The following PTPRD variants were observed in gnomAD, a reference collection of about 807,000 sequenced individuals.
PTPRD encodes protein tyrosine phosphatase receptor type D.
In PTPRD, 34 loss-of-function variants were observed where a neutral mutation model predicts 214.5. The ratio of observed to expected loss-of-function variants is 0.16; its 90% CI spans 0.12 to 0.21. PTPRD has a LOEUF of 0.21. PTPRD is among the 10% of genes least tolerant of loss of function. The pLI is 1.00. For synonymous variants in PTPRD, 1,128 were observed against 845.7 expected, an observed-to-expected ratio of 1.33 and a Z score of -5.79; for missense variants, 2,545 against 2,398.7, an observed-to-expected ratio of 1.06 and a Z score of -1.27.
intron 9 of PTPRD, among the ~76,000 whole-genome samples, chr9:9,205,435 G>A (rs2099944243): frequency 6.6e-6 from 1 of 152,076 alleles, no homozygotes; most frequent in Admixed American, 6.5e-5. Flanking sequence ...GTAATGCGTT[G>A]CTTAGGTTTC....
chr9:9,437,685 A>G (rs967393920), intron 8 of PTPRD, among the ~76,000 whole-genome samples: 14 of 152,106 alleles, frequency 9.2e-5, no homozygotes, highest in South Asian at 2.1e-4. Flanking sequence ...AGATTGTGGC[A>G]TCTCTTATAA....
intron 2 of PTPRD, among the ~76,000 whole-genome samples, chr9:10,423,363 G>T (rs1299090351): frequency 1.3e-5 from 2 of 151,904 alleles, no homozygotes; most frequent in Admixed American, 6.6e-5. Flanking sequence ...TAAACGACAG[G>T]TTAATGTGTG....
At chr9:9,385,560 G>T (rs10816110) in intron 9 of PTPRD, among the ~76,000 whole-genome samples, 39 of 152,082 alleles carry the variant, frequency 2.6e-4, no homozygotes, top group African/African-American at 9.2e-4. Flanking sequence ...CAGTGAGCAA[G>T]TATTTCATCC....
At chr9:9,686,884 G>A (rs553661866) in intron 7 of PTPRD, among the ~76,000 whole-genome samples, 1 of 151,808 alleles carries the variant, frequency 6.6e-6, no homozygotes, top group Non-Finnish European at 1.5e-5. Context: ...TTAGTCAACA[G>A]ACATATGCTA....
chr9:10,597,821 G>A (rs753667667), intron 2 of PTPRD, among the ~76,000 whole-genome samples: 1 of 151,820 alleles, frequency 6.6e-6, no homozygotes, highest in African/African-American at 2.4e-5. Flanking sequence ...AAACTTTCTA[G>A]TGAATAATTC....
At chr9:9,412,247 G>A (rs1391293241) in intron 8 of PTPRD, among the ~76,000 whole-genome samples, 3 of 152,008 alleles carry the variant, frequency 2.0e-5, no homozygotes, top group Admixed American at 2.0e-4. Flanking sequence ...TATTTCAAAT[G>A]ATAATAAATT....
At chr9:8,618,869 T>A (rs1436095330) in intron 14 of PTPRD, among the ~76,000 whole-genome samples, 1 of 117,890 alleles carries the variant, frequency 8.5e-6, no homozygotes, top group African/African-American at 3.8e-5. Flanking sequence ...GCTAATTTTG[T>A]GTGTGTGTGT....
At chr9:8,734,652 G>T (rs531578808) in intron 11 of PTPRD, among the ~76,000 whole-genome samples, 2 of 152,264 alleles carry the variant, frequency 1.3e-5, no homozygotes, top group South Asian at 4.1e-4. Flanking sequence ...ACTATTTTTA[G>T]AGCACCTACT....
intron 14 of PTPRD, among the ~76,000 whole-genome samples, chr9:8,628,041 TTC>T (rs1254502390): frequency 6.6e-6 from 1 of 151,910 alleles, no homozygotes; most frequent in Non-Finnish European, 1.5e-5. Context: ...AGCACGTTTG[TTC>T]TGTGTTGGCC....
chr9:8,610,748 C>A lies in PTPRD; in HGVS notation c.352+22569G>T, dbSNP rs77982332. On this transcript the variant is annotated intron_variant, in intron 14 of 45. Coordinates refer to ENST00000381196, the MANE Select transcript of PTPRD (RefSeq NM_002839.4). Reference sequence around the variant, plus strand: ...GGACATTATTTCATCCAGTCTAGTTCTGCTGTGTTATTCTACTTAGTTTTT... The same window carrying A: ...GGACATTATTTCATCCAGTCTAGTTATGCTGTGTTATTCTACTTAGTTTTT... 7.6e-3 allele frequency among the ~76,000 whole-genome samples: 1,161 copies of A among 152,312 alleles called. 52 individuals are homozygous for A. The highest frequency in any genetic ancestry group is 0.065 in the Admixed American group (993 of 15,290).
intron 7 of PTPRD, among the ~76,000 whole-genome samples, chr9:9,676,885 A>G (rs2096942313): frequency 6.6e-6 from 1 of 152,126 alleles, no homozygotes; most frequent in South Asian, 2.1e-4. Flanking sequence ...AGTGATGATG[A>G]GCATTTTTTC....
chr9:10,223,934 A>G (rs1204194745), intron 3 of PTPRD, among the ~76,000 whole-genome samples: 1 of 151,604 alleles, frequency 6.6e-6, no homozygotes, highest in Non-Finnish European at 1.5e-5. Context: ...AGACTTTCCA[A>G]TGGCTTTATG....
intron 3 of PTPRD, among the ~76,000 whole-genome samples, chr9:10,061,909 A>C (rs2097783262): frequency 6.6e-6 from 1 of 152,048 alleles, no homozygotes; most frequent in African/African-American, 2.4e-5. Context: ...CTAGAAATGC[A>C]GCAAATTATT....
chr9:8,353,940 A>ATG (rs2076303362), intron 39 of PTPRD, among the ~76,000 whole-genome samples: 159 of 8,768 alleles, frequency 0.018, 18 homozygotes, highest in African/African-American at 0.033. Flanking sequence ...GTGTGTACAT[A>ATG]TATATATATA....
Position 8,331,582 on chromosome 9 carries a change from C to G in PTPRD, c.5534G>C (p.Ser1845Thr), listed in dbSNP as rs200157286. 2.5e-6 allele frequency: 4 copies of G among 1,607,518 alleles called. No individual in the cohort carries two copies. Among genetic ancestry groups the G allele is most frequent in the African/African-American group, 1.4e-5 (1 of 69,626 alleles). ...GCTTTATTCACAAATGGAAACTTAC[C>G]TGCAATGGACTGAAATGGGTCCATC... The part of the protein sequence containing the change: ...GQDGPISVHC[S>T]AGVGRTGVFI... Residue 1845 changes from serine to threonine, a missense_variant and splice_region_variant, in exon 44 of 46, where the codon AGC becomes ACC. By Grantham distance (58) the Ser-to-Thr change is moderately conservative (BLOSUM62 1). Transcript: ENST00000381196.
intron 5 of PTPRD, among the ~76,000 whole-genome samples, chr9:9,768,958 T>C (rs1450980966): frequency 6.6e-6 from 1 of 152,210 alleles, no homozygotes; most frequent in Admixed American, 6.5e-5. Flanking sequence ...TTAAGGTTAC[T>C]TGTTCTGATT....
chr9:10,371,074 G>T (rs1185659186), intron 2 of PTPRD, among the ~76,000 whole-genome samples: 1 of 151,712 alleles, frequency 6.6e-6, no homozygotes, highest in African/African-American at 2.4e-5. Context: ...AACCAAATTT[G>T]TGCTTCTCAG....
intron 10 of PTPRD, among the ~76,000 whole-genome samples, chr9:9,107,000 A>T (rs1021855050): frequency 6.6e-6 from 1 of 152,164 alleles, no homozygotes; most frequent in Non-Finnish European, 1.5e-5. Context: ...TCTGAAGCCC[A>T]CTTTCTAAAA....
chr9:8,532,313 C>A (rs997050121), intron 14 of PTPRD, among the ~76,000 whole-genome samples: 7 of 152,048 alleles, frequency 4.6e-5, no homozygotes, highest in Non-Finnish European at 7.4e-5. Context: ...GAATGCTTAT[C>A]TCCGTGGGTG....
Sources: gnomAD v4.1 joint callset for allele counts (sites outside exome capture counted in the v4.1 genomes callset) on GRCh38, gnomAD v4.1.1 for gene constraint, MANE v1.5 for transcripts, NCBI Gene and HGNC (gene_info 2026-07-23, HGNC 2026-07-21) for gene names.